TMEM230: variants seen among roughly 807,000 people sequenced by gnomAD.
TMEM230 encodes transmembrane protein 230, also known as UPF0414 transmembrane protein C20orf30.
A neutral mutation model predicts 15.8 loss-of-function variants in TMEM230; 10 were observed. The ratio of observed to expected loss-of-function variants is 0.63; its 90% CI spans 0.39 to 1.07. The LOEUF is 1.07. Among genes scored for constraint, TMEM230 ranks in the 50% least tolerant of loss-of-function variants. The pLI, the probability that TMEM230 is intolerant of heterozygous loss-of-function variation, is 0.01. For synonymous variants in TMEM230, 67 were observed against 76.9 expected (o/e 0.87, Z 0.68); for missense variants, 165 against 193.3 (o/e 0.85, Z 0.87).
chr20:5,078,323 G>A (rs11908536), intron 3 of TMEM230, among the ~76,000 whole-genome samples: 20,985 of 152,076 alleles, frequency 0.14, 1,813 homozygotes, highest in African/African-American at 0.24. Flanking sequence ...TTATGTAGCC[G>A]GTCCTTCACT....
chr20:5,082,712 G>T (rs1272367983), intron 3 of TMEM230, among the ~76,000 whole-genome samples: 1 of 152,096 alleles, frequency 6.6e-6, no homozygotes, highest in Admixed American at 6.6e-5. Flanking sequence ...CCAAAATGCT[G>T]GGATTACAGA....
chr20:5,067,486 C>G (rs979349117), downstream of TMEM230: 5 of 145,294 alleles, frequency 3.4e-5, no homozygotes, highest in African/African-American at 1.3e-4. Flanking sequence ...CTCTGTCACC[C>G]AGGCTGGAGT....
chr20:5,109,770 T>C (rs1263268212), intron 2 of TMEM230, among the ~76,000 whole-genome samples: 1 of 152,216 alleles, frequency 6.6e-6, no homozygotes, highest in Non-Finnish European at 1.5e-5. Context: ...CCCTGACTTT[T>C]AATTTTTCCA....
chr20:5,069,683 C>CCCCTT (rs112956141), intron 3 of TMEM230, among the ~76,000 whole-genome samples: 4,804 of 151,620 alleles, frequency 0.032, 220 homozygotes, highest in African/African-American at 0.11. Context: ...TCTTTCCTCT[C>CCCCTT]CCCTTCCCTT....
intron 3 of TMEM230, among the ~76,000 whole-genome samples, chr20:5,106,716 T>A (rs920154694): frequency 6.6e-6 from 1 of 152,112 alleles, no homozygotes; most frequent in African/African-American, 2.4e-5. Flanking sequence ...CTAATTTTTA[T>A]GATTTTAGAG....
intron 3 of TMEM230, chr20:5,109,108 C>T (rs796469817): frequency 1.3e-5 from 5 of 391,140 alleles, no homozygotes; most frequent in African/African-American, 1.0e-4. Context: ...TCTCGCATTA[C>T]AACTAAAAAT....
At chr20:5,101,227 T>G (rs2089849244) in intron 4 of TMEM230, among the ~76,000 whole-genome samples, 1 of 152,198 alleles carries the variant, frequency 6.6e-6, no homozygotes, top group Admixed American at 6.5e-5. Flanking sequence ...TGGCCAATAT[T>G]ATTAAAACCT....
At chr20:5,105,914 A>G (rs183298128) in intron 4 of TMEM230, among the ~76,000 whole-genome samples, 246 of 152,054 alleles carry the variant, frequency 1.6e-3, no homozygotes, top group African/African-American at 5.7e-3. Context: ...ATAAAAAATA[A>G]AATTAGCTGG....
At chr20:5,079,584 C>T (rs1274435506) in intron 3 of TMEM230, among the ~76,000 whole-genome samples, 1 of 152,154 alleles carries the variant, frequency 6.6e-6, no homozygotes, top group South Asian at 2.1e-4. Context: ...AACTCCTGAG[C>T]TCAAGTCATC....
At chr20:5,112,694 G>A (rs748479548) in intron 1 of TMEM230, 10 of 1,413,592 alleles carry the variant, frequency 7.1e-6, no homozygotes, top group Non-Finnish European at 8.3e-6. Flanking sequence ...TAAAACGTTT[G>A]GCACACAGTG....
chr20:5,097,455 A>T (rs1211408451), downstream of TMEM230, among the ~76,000 whole-genome samples: 1 of 152,192 alleles, frequency 6.6e-6, no homozygotes, highest in African/African-American at 2.4e-5. Context: ...AGTCTGGTCA[A>T]CACTTTGGAG....
intron 3 of TMEM230, among the ~76,000 whole-genome samples, chr20:5,071,115 T>C (rs1380146117): frequency 6.6e-6 from 1 of 152,136 alleles, no homozygotes; most frequent in Non-Finnish European, 1.5e-5. Context: ...ATCATGTCCT[T>C]AGATGCACCA....
chr20:5,096,645 G>A (rs1334874456), downstream of TMEM230, among the ~76,000 whole-genome samples: 1 of 152,194 alleles, frequency 6.6e-6, no homozygotes, highest in East Asian at 1.9e-4. Flanking sequence ...CCTGGGCAGA[G>A]GGTGCCAGGC....
chr20:5,097,129 C>T (rs1377747948), downstream of TMEM230, among the ~76,000 whole-genome samples: 1 of 152,170 alleles, frequency 6.6e-6, no homozygotes, highest in African/African-American at 2.4e-5. Context: ...TAAAATGGAA[C>T]AATTCAAAAA....
chr20:5,093,433 G>C (rs1422591749), intron 3 of TMEM230, among the ~76,000 whole-genome samples: 1 of 152,034 alleles, frequency 6.6e-6, no homozygotes, highest in Non-Finnish European at 1.5e-5. Flanking sequence ...TAGAGATGGG[G>C]TTTTGCCATG....
At chr20:5,065,902 G>T (rs1194837821), downstream of TMEM230, among the ~76,000 whole-genome samples, 1 of 152,196 alleles carries the variant, frequency 6.6e-6, no homozygotes, top group African/African-American at 2.4e-5. Context: ...GGGCTGCACT[G>T]GAGACCCCCG....
At position 5,100,718 on chromosome 20, in the gene TMEM230, G is replaced by C; in HGVS notation, c.*73C>G. The C allele has an allele frequency of 6.3e-7, 1 of 1,579,990 alleles. No homozygotes were observed. The highest frequency in any genetic ancestry group is 8.6e-7 in the Non-Finnish European group (1 of 1,161,822). On this transcript the variant is annotated 3_prime_UTR_variant, in exon 5 of 5. Coordinates refer to ENST00000342308, the MANE Select transcript of TMEM230 (RefSeq NM_001009923.2). ...AAGCTGCAGAATTCCTTAGTCCTCAGCTATAGTTTCTGCTAGATATCTTAA... is the reference window on the plus strand; with the variant it reads ...AAGCTGCAGAATTCCTTAGTCCTCACCTATAGTTTCTGCTAGATATCTTAA...
Position 5,110,968 on chromosome 20 carries a change from G to A in TMEM230, c.174+532C>T, listed in dbSNP as rs1356915452. ...AGGCTGAGGTGGGTGGGTTACCTGAGGTCAGGAATTCGAGACCAGCTTGGC... is the reference window on the plus strand; with the variant it reads ...AGGCTGAGGTGGGTGGGTTACCTGAAGTCAGGAATTCGAGACCAGCTTGGC... On this transcript the variant is annotated intron_variant, in intron 2 of 4. Coordinates refer to ENST00000342308, the MANE Select transcript of TMEM230 (RefSeq NM_001009923.2). 3.3e-5 allele frequency: 5 copies of A among 152,202 alleles called. No individual in the cohort carries two copies. The East Asian group carries it at 7.8e-4, about 24-fold the overall frequency. The allele number at this position is 152,202 out of a possible 1,614,324, so 9.4% of individuals were successfully genotyped here.
rs1175737939 is a variant in TMEM230, at chr20:5,074,845, A to G, written c.223-5496T>C. ...AATTTTATTTTTATTACTTTTTAAA[A>G]TAAAGACAGGCCTTGCTATGCTGCC... is the stretch of plus-strand genomic sequence containing the variant. On this transcript the variant is annotated intron_variant, in intron 3 of 3. Transcript: ENST00000612323. Among the ~76,000 whole-genome samples, 12 of 152,334 alleles carry G rather than the reference A, an allele frequency of 7.9e-5. No individual in the cohort carries two copies. In the East Asian group the frequency reaches 2.3e-3, roughly 29 times the overall value.
Sources: gnomAD v4.1 joint callset for allele counts (sites outside exome capture counted in the v4.1 genomes callset) on GRCh38, gnomAD v4.1.1 for gene constraint, MANE v1.5 for transcripts, NCBI Gene and HGNC (gene_info 2026-07-23, HGNC 2026-07-21) for gene names.